BEST3: variants seen among roughly 807,000 people sequenced by gnomAD.
The protein encoded by BEST3 is bestrophin-3.
Under a neutral mutation model 47.1 loss-of-function variants are expected in BEST3, and 50 were observed. That is an observed-to-expected ratio of 1.06 (90% CI 0.85 to 1.34). The LOEUF is 1.34. BEST3 is among the 40% of genes most tolerant of loss of function. The pLI is 0.00. For missense variants in BEST3, 765 were observed against 817.0 expected (o/e 0.94, Z 0.78); for synonymous variants, 282 against 298.8 (o/e 0.94, Z 0.58).
intron 4 of BEST3, chr12:69,689,280 G>C: frequency 1.0e-6 from 1 of 985,772 alleles, no homozygotes; most frequent in Non-Finnish European, 1.2e-6. Flanking sequence ...CTCTCTGCTG[G>C]GGAAAGCAGC....
At chr12:69,683,432 A>AAGGGAAAAG (rs1565837821) in intron 4 of BEST3, 1 of 152,212 alleles carries the variant, frequency 6.6e-6, no homozygotes, top group Non-Finnish European at 1.5e-5. Flanking sequence ...CACTAAGCTA[A>AAGGGAAAAG]AGGGAAAAGT....
intron 9 of BEST3, chr12:69,669,551 A>G (rs527378378): frequency 1.3e-5 from 2 of 152,304 alleles, no homozygotes; most frequent in South Asian, 2.1e-4. Flanking sequence ...TTTCCAGGGT[A>G]AGTTTAATAT....
chr12:69,693,722 TGCTCACCGAGCGAA>T lies in BEST3; in HGVS notation c.419_432del (p.Phe140TyrfsTer15). On this transcript the variant is annotated frameshift_variant, in exon 4 of 10. Coordinates refer to ENST00000330891, the MANE Select transcript of BEST3 (RefSeq NM_032735.3). LOFTEE classifies it high-confidence loss of function. ...GTGGGAAATCTTTTGTACACAGCAG[TGCTCACCGAGCGAA>T]AGATGAGCAGGGAGGTGAGATTGAC... 3 of 1,614,192 alleles carry T rather than the reference TGCTCACCGAGCGAA, an allele frequency of 1.9e-6. No individual in the cohort carries two copies. In the East Asian group the frequency reaches 6.7e-5, roughly 36 times the overall value.
chr12:69,651,775 CA>C (rs1475932098), downstream of BEST3, among the ~76,000 whole-genome samples: 745 of 53,464 alleles, frequency 0.014, 8 homozygotes, highest in African/African-American at 0.042. Flanking sequence ...GACTCTGTCT[CA>C]AAAAAAAAAG....
At chr12:69,643,538 G>C, downstream of BEST3, 1 of 476,548 alleles carries the variant, frequency 2.1e-6, no homozygotes, top group South Asian at 3.6e-5. Flanking sequence ...TCCTGGGAAG[G>C]TACCATGTTG....
intron 9 of BEST3, among the ~76,000 whole-genome samples, chr12:69,644,915 A>C (rs1349744346): frequency 1.3e-5 from 2 of 152,190 alleles, no homozygotes; most frequent in Non-Finnish European, 2.9e-5. Context: ...AATTTATTCA[A>C]TTTACATTTT....
intron 7 of BEST3, 59 bp downstream of exon 7, chr12:69,676,857 A>C (rs756421236): frequency 6.5e-7 from 1 of 1,531,784 alleles, no homozygotes; most frequent in Non-Finnish European, 9.0e-7. Context: ...GTAAAGGATT[A>C]GTGTGGAGAG....
At chr12:69,678,954 A>G in intron 4 of BEST3, 61 bp from the exon 5 acceptor site, 2 of 1,315,678 alleles carry the variant, frequency 1.5e-6, no homozygotes, top group East Asian at 2.4e-5. Context: ...ATACGTTACC[A>G]TATTTCAGCA....
downstream of BEST3, among the ~76,000 whole-genome samples, chr12:69,653,079 G>A (rs761576433): frequency 1.3e-5 from 2 of 152,216 alleles, no homozygotes; most frequent in Non-Finnish European, 2.9e-5. Context: ...AGGCCTGGGA[G>A]ATATGAGGTC....
chr12:69,692,181 A>C (rs1050560076), intron 4 of BEST3, among the ~76,000 whole-genome samples: 6 of 152,198 alleles, frequency 3.9e-5, no homozygotes, highest in Non-Finnish European at 7.3e-5. Flanking sequence ...GGCAAAACAA[A>C]AACAACAACA....
intron 2 of BEST3, among the ~76,000 whole-genome samples, chr12:69,696,588 C>G (rs1230562853): frequency 6.6e-6 from 1 of 151,988 alleles, no homozygotes; most frequent in Admixed American, 6.6e-5. Context: ...AATATTTTGT[C>G]AAGATATATA....
At chr12:69,679,914 C>T (rs967372375) in intron 4 of BEST3, among the ~76,000 whole-genome samples, 23 of 150,252 alleles carry the variant, frequency 1.5e-4, no homozygotes, top group African/African-American at 4.9e-4. Context: ...TGTATGCATG[C>T]GTGTGTGTGT....
Position 69,655,065 on chromosome 12 carries a change from G to A in BEST3, c.1849C>T (p.Leu617Phe), listed in dbSNP as rs745371418. ...GAGGATGTTTCTGTGTCAATTAAAA[G>A]AGCTGGCTGAGAGCTCATGGGGTCT... is the stretch of plus-strand genomic sequence containing the variant. The part of the protein sequence containing the change: ...SPDPMSSQPA[L>F]LIDTETSSEI... The change falls in exon 10 of 10, where the codon CTT becomes TTT. Residue 617 changes from leucine (L) to phenylalanine (F), a missense_variant. Coordinates refer to ENST00000330891, the MANE Select transcript of BEST3 (RefSeq NM_032735.3). 1 of 1,614,210 alleles carries A rather than the reference G, an allele frequency of 6.2e-7. No individual in the cohort carries two copies. The highest frequency in any genetic ancestry group is 2.2e-5 in the East Asian group (1 of 44,876).
At chr12:69,677,282 G>C (rs1480563302) in intron 5 of BEST3, 25 bp from the exon 6 acceptor site, 1 of 1,583,712 alleles carries the variant, frequency 6.3e-7, no homozygotes, top group African/African-American at 1.3e-5. Context: ...GATCAAGCAT[G>C]ATTTACTAAG....
rs565791731 is a variant in BEST3 at position 69,680,498 on chromosome 12, C to T, written c.482-1605G>A. ...TAAGTTTTTGTATTTTTAGTAGAGA[C>T]GGGGTTTCACCATGTTAGCCAGGAT... On this transcript the variant is annotated intron_variant, in intron 4 of 9. Coordinates refer to ENST00000330891, the MANE Select transcript of BEST3 (RefSeq NM_032735.3). 4.6e-5 allele frequency among the ~76,000 whole-genome samples: 7 copies of T among 151,772 alleles called. No homozygotes were observed. The South Asian group carries it at 1.0e-3, about 23-fold the overall frequency.
intron 9 of BEST3, among the ~76,000 whole-genome samples, chr12:69,645,863 C>A (rs1206592968): frequency 6.6e-6 from 1 of 152,114 alleles, no homozygotes; most frequent in Non-Finnish European, 1.5e-5. Flanking sequence ...TTCTAATGTT[C>A]ATCACAACCG....
At chr12:69,653,422 G>A (rs575021655), downstream of BEST3, among the ~76,000 whole-genome samples, 90 of 152,318 alleles carry the variant, frequency 5.9e-4, no homozygotes, top group African/African-American at 2.1e-3. Context: ...GTGGTTAACA[G>A]TGTGGGCTCT....
intron 3 of BEST3, 62 bp downstream of exon 3, chr12:69,694,307 TC>T (rs1427606848): frequency 1.9e-6 from 1 of 525,794 alleles, no homozygotes; most frequent in Admixed American, 7.7e-5. Flanking sequence ...CCATGCAGAG[TC>T]ATCGGTGTCA....
chr12:69,653,191 A>G (rs1248006557), downstream of BEST3, among the ~76,000 whole-genome samples: 1 of 152,212 alleles, frequency 6.6e-6, no homozygotes, highest in African/African-American at 2.4e-5. Flanking sequence ...GAAGAGGACT[A>G]TGGGTGGTAC....
Sources: gnomAD v4.1 joint callset for allele counts (sites outside exome capture counted in the v4.1 genomes callset) on GRCh38, gnomAD v4.1.1 for gene constraint, MANE v1.5 for transcripts, NCBI Gene and HGNC (gene_info 2026-07-23, HGNC 2026-07-21) for gene names.